CSMD3: variants seen among roughly 807,000 people sequenced by gnomAD.
The protein encoded by CSMD3 is CUB and sushi domain-containing protein 3.
A neutral mutation model predicts 435.2 loss-of-function variants in CSMD3; 177 were observed. The observed-to-expected ratio is 0.41, with a 90% CI of 0.36 to 0.46. The LOEUF is 0.46. Among genes scored for constraint, CSMD3 ranks in the 20% least tolerant of loss-of-function variants. The pLI is 0.34. For synonymous variants in CSMD3, 1,656 were observed against 1,520.5 expected (o/e 1.09, Z -2.07); for missense variants, 4,265 against 4,504.6 (o/e 0.95, Z 1.52).
At chr8:113,391,138 T>G (rs1371112340) in intron 1 of CSMD3, among the ~76,000 whole-genome samples, 1 of 151,976 alleles carries the variant, frequency 6.6e-6, no homozygotes, top group Non-Finnish European at 1.5e-5. Flanking sequence ...GAATTTAGTA[T>G]GTACATGGTT....
chr8:113,393,496 A>G (rs1339998481), intron 1 of CSMD3, among the ~76,000 whole-genome samples: 7 of 152,112 alleles, frequency 4.6e-5, no homozygotes, highest in Non-Finnish European at 1.5e-5. Flanking sequence ...ATGATAAGGT[A>G]CCTGCCATTT....
At chr8:112,992,041 G>A (rs1264238372) in intron 6 of CSMD3, among the ~76,000 whole-genome samples, 2 of 151,808 alleles carry the variant, frequency 1.3e-5, no homozygotes, top group Non-Finnish European at 2.9e-5. Flanking sequence ...AATCAAAATA[G>A]TAGATCCTCA....
At chr8:113,024,983 G>A (rs1187032650) in intron 5 of CSMD3, among the ~76,000 whole-genome samples, 1 of 151,934 alleles carries the variant, frequency 6.6e-6, no homozygotes, top group African/African-American at 2.4e-5. Flanking sequence ...TGTGGTGTTT[G>A]TCTTTCTGTC....
At chr8:113,134,376 A>G (rs1387881694) in intron 4 of CSMD3, among the ~76,000 whole-genome samples, 2 of 152,008 alleles carry the variant, frequency 1.3e-5, no homozygotes. Flanking sequence ...AATGTTCTAT[A>G]TGTATTAGAC....
chr8:113,095,329 A>T (rs2090131094), intron 5 of CSMD3, among the ~76,000 whole-genome samples: 1 of 152,140 alleles, frequency 6.6e-6, no homozygotes, highest in Non-Finnish European at 1.5e-5. Flanking sequence ...CTTTCTTTTT[A>T]ACCTATTGTC....
chr8:113,341,742 C>T (rs568540231), intron 1 of CSMD3, among the ~76,000 whole-genome samples: 1 of 152,184 alleles, frequency 6.6e-6, no homozygotes, highest in African/African-American at 2.4e-5. Context: ...TAAATATATG[C>T]TTTAGGTGTA....
chr8:112,495,421 C>T (rs971995381), intron 30 of CSMD3, among the ~76,000 whole-genome samples: 4 of 152,110 alleles, frequency 2.6e-5, no homozygotes, highest in African/African-American at 9.7e-5. Flanking sequence ...TGCAAGCATC[C>T]GGTTTTTTGA....
chr8:112,890,886 A>T (rs1225796739), intron 10 of CSMD3, among the ~76,000 whole-genome samples: 2 of 151,676 alleles, frequency 1.3e-5, no homozygotes, highest in Non-Finnish European at 3.0e-5. Context: ...GTTCTTCAGA[A>T]TTTCTGAGAG....
chr8:113,127,267 A>G (rs896738752), intron 4 of CSMD3, among the ~76,000 whole-genome samples: 14 of 152,036 alleles, frequency 9.2e-5, no homozygotes, highest in African/African-American at 3.4e-4. Context: ...ATTCACAATC[A>G]CCTGTCATGT....
intron 29 of CSMD3, among the ~76,000 whole-genome samples, 171 bp from the exon 30 acceptor site, chr8:112,504,148 T>A (rs1822272527): frequency 6.6e-6 from 1 of 152,198 alleles, no homozygotes; most frequent in East Asian, 1.9e-4. Flanking sequence ...ACATATTTAA[T>A]ATAAATATCA....
At chr8:113,117,134 T>C (rs1600572) in intron 4 of CSMD3, among the ~76,000 whole-genome samples, 29,555 of 152,186 alleles carry the variant, frequency 0.19, 3,865 homozygotes, top group East Asian at 0.49. Flanking sequence ...AATGTCTCCA[T>C]GGCATGTCAG....
intron 57 of CSMD3, among the ~76,000 whole-genome samples, 153 bp from the exon 58 acceptor site, chr8:112,287,399 C>T (rs929647614): frequency 1.3e-5 from 2 of 151,668 alleles, no homozygotes; most frequent in Non-Finnish European, 2.9e-5. Context: ...TATCTGACTC[C>T]AGTCATTAAA....
At chr8:112,387,845 CT>C (rs973517564) in intron 36 of CSMD3, among the ~76,000 whole-genome samples, 1 of 152,130 alleles carries the variant, frequency 6.6e-6, no homozygotes, top group Non-Finnish European at 1.5e-5. Context: ...CAAAACTCCA[CT>C]TGTGCAAGTA....
At chr8:112,817,849 T>G (rs1170777146) in intron 12 of CSMD3, among the ~76,000 whole-genome samples, 1 of 152,124 alleles carries the variant, frequency 6.6e-6, no homozygotes, top group Non-Finnish European at 1.5e-5. Context: ...CCAATTACAA[T>G]GCTTTCTCTA....
intron 7 of CSMD3, among the ~76,000 whole-genome samples, chr8:112,967,372 T>C (rs899386128): frequency 1.3e-5 from 2 of 151,918 alleles, no homozygotes; most frequent in Non-Finnish European, 2.9e-5. Context: ...AAAAGCCAAA[T>C]GGTGTTTTTC....
chr8:112,692,913 ATATCTATCTATCTATCTATCTATC>A (rs6150766), intron 13 of CSMD3, among the ~76,000 whole-genome samples: 55 of 144,602 alleles, frequency 3.8e-4, no homozygotes, highest in Admixed American at 8.5e-4. Flanking sequence ...ATTAATCTTT[ATATCTATCTATCTATCTATCTATC>A]TATCTATCTA....
intron 32 of CSMD3, among the ~76,000 whole-genome samples, chr8:112,421,533 G>A (rs1474238910): frequency 1.5e-5 from 2 of 137,642 alleles, no homozygotes; most frequent in Non-Finnish European, 3.1e-5. Flanking sequence ...GATAGAGGAG[G>A]ACCCCCTGTA....
rs527438317 is a variant in CSMD3, at chr8:112,375,023, T to C, written c.6136+5329A>G. Among the ~76,000 whole-genome samples, 4 of 152,314 alleles carry C rather than the reference T, an allele frequency of 2.6e-5. No homozygotes were observed. In the South Asian group the frequency reaches 6.2e-4, roughly 24 times the overall value. On this transcript the variant is annotated intron_variant, in intron 38 of 70. Transcript: ENST00000297405. The stretch of plus-strand genomic sequence containing the variant: ...GCCTCTGGACCATTAGGAGAGTTGG[T>C]AGTGTTATTATTTAAAGCAACTGCA...
At chr8:112,695,732 G>C (rs144651455) in intron 13 of CSMD3, among the ~76,000 whole-genome samples, 1 of 152,052 alleles carries the variant, frequency 6.6e-6, no homozygotes, top group Non-Finnish European at 1.5e-5. Context: ...TTCTGGCCAG[G>C]GCAATCAGGC....
Sources: gnomAD v4.1 joint callset for allele counts (sites outside exome capture counted in the v4.1 genomes callset) on GRCh38, gnomAD v4.1.1 for gene constraint, MANE v1.5 for transcripts, NCBI Gene and HGNC (gene_info 2026-07-23, HGNC 2026-07-21) for gene names.